PCMTD1: variants seen among roughly 807,000 people sequenced by gnomAD.
The protein encoded by PCMTD1 is protein-L-isoaspartate (D-aspartate) O-methyltransferase domain containing 1, also known as protein-L-isoaspartate O-methyltransferase domain-containing protein 1.
In PCMTD1, 12 loss-of-function variants were observed where a neutral mutation model predicts 37.6. The observed-to-expected ratio is 0.32, with a 90% confidence interval of 0.20 to 0.52. The LOEUF is 0.52. Among genes scored for constraint, PCMTD1 ranks in the 20% least tolerant of loss-of-function variants. PCMTD1 has a pLI of 0.97. For synonymous variants in PCMTD1, 117 were observed against 135.8 expected (o/e 0.86, Z 0.96); for missense variants, 235 against 421.3 (o/e 0.56, Z 3.87).
rs1238524467 is a variant in PCMTD1, at chr8:51,898,947, G to C, written c.-113C>G. 2 of 1,417,842 alleles carry C rather than the reference G, an allele frequency of 1.4e-6. No homozygotes were observed. Among genetic ancestry groups the C allele is most frequent in the East Asian group, 3.0e-5 (1 of 33,066 alleles). The allele number at this position is 1,417,842 out of a possible 1,614,324, so 87.8% of individuals were successfully genotyped here. A position where few individuals can be genotyped will look rare whatever the true frequency, so the allele number is the denominator to read the frequency against. ...GGCGTTACCTGTGGCGCGGGCAGCG[G>C]CGCGCAGGCCAGGCGCTAGGACTCG... On this transcript the variant is annotated 5_prime_UTR_variant, in exon 1 of 6. Coordinates refer to ENST00000522514, the MANE Select transcript of PCMTD1 (RefSeq NM_052937.4).
chr8:51,821,436 C>T (rs567782967), intron 5 of PCMTD1, among the ~76,000 whole-genome samples: 2 of 152,274 alleles, frequency 1.3e-5, no homozygotes, highest in East Asian at 1.9e-4. Flanking sequence ...CCATCATGCC[C>T]GGCCCTCTAC....
chr8:51,839,699 G>A, intron 3 of PCMTD1: 3 of 819,932 alleles, frequency 3.7e-6, no homozygotes, highest in Non-Finnish European at 4.4e-6. Context: ...CTGACAATTT[G>A]CACACCTAGT....
chr8:51,839,498 A>C, intron 3 of PCMTD1: 4 of 985,360 alleles, frequency 4.1e-6, no homozygotes, highest in Non-Finnish European at 4.8e-6. Flanking sequence ...TCATCTTGAG[A>C]TGGACAGATG....
intron 1 of PCMTD1, among the ~76,000 whole-genome samples, chr8:51,868,265 G>A (rs992602325): frequency 1.3e-5 from 2 of 152,090 alleles, no homozygotes; most frequent in African/African-American, 4.8e-5. Context: ...TAACCACACT[G>A]AGTGAGAGAG....
intron 2 of PCMTD1, chr8:51,850,004 AAAGTACTTCACAATACATAAAG>A: frequency 2.9e-6 from 2 of 696,952 alleles, no homozygotes; most frequent in South Asian, 3.0e-5. Context: ...CCACAGGCAA[AAAGTACTTCACAATACATAAAG>A]TTCTGAAGAT....
At chr8:51,865,664 A>T (rs1448746650) in intron 1 of PCMTD1, among the ~76,000 whole-genome samples, 1 of 152,098 alleles carries the variant, frequency 6.6e-6, no homozygotes, top group Non-Finnish European at 1.5e-5. Flanking sequence ...TTAGACACAG[A>T]GGGAAGATAC....
chr8:51,851,042 T>C (rs996593254), intron 2 of PCMTD1, among the ~76,000 whole-genome samples: 1 of 152,250 alleles, frequency 6.6e-6, no homozygotes, highest in Admixed American at 6.5e-5. Context: ...GAGAAGCTGT[T>C]CTAATATATT....
intron 1 of PCMTD1, among the ~76,000 whole-genome samples, chr8:51,881,731 A>T (rs1201826196): frequency 6.6e-6 from 1 of 152,164 alleles, no homozygotes; most frequent in Non-Finnish European, 1.5e-5. Flanking sequence ...CAAAGAAAAA[A>T]ATTTAGAGCT....
At chr8:51,827,028 C>A in intron 5 of PCMTD1, 1 of 968,586 alleles carries the variant, frequency 1.0e-6, no homozygotes, top group South Asian at 4.8e-5. Context: ...TTTGGAGTCG[C>A]GTTCTTTCAT....
chr8:51,892,183 T>C (rs2038945447), intron 1 of PCMTD1, among the ~76,000 whole-genome samples: 1 of 152,176 alleles, frequency 6.6e-6, no homozygotes, highest in Admixed American at 6.6e-5. Flanking sequence ...AGCCACAACA[T>C]TTCCTTCTAG....
intron 1 of PCMTD1, among the ~76,000 whole-genome samples, chr8:51,877,301 C>A (rs941080743): frequency 5.3e-5 from 8 of 152,054 alleles, no homozygotes; most frequent in Non-Finnish European, 1.2e-4. Context: ...TTATATCTGT[C>A]CTGATTGGAT....
At chr8:51,879,070 G>A (rs763180576) in intron 1 of PCMTD1, among the ~76,000 whole-genome samples, 1 of 152,104 alleles carries the variant, frequency 6.6e-6, no homozygotes. Flanking sequence ...AGGCTGCAGT[G>A]GGCCGTAGTC....
intron 1 of PCMTD1, among the ~76,000 whole-genome samples, chr8:51,876,862 T>C (rs1338395007): frequency 6.6e-6 from 1 of 152,130 alleles, no homozygotes; most frequent in Admixed American, 6.5e-5. Context: ...CTAATAAATG[T>C]AGAAGAAATA....
At chr8:51,889,786 G>C (rs972566679) in intron 1 of PCMTD1, among the ~76,000 whole-genome samples, 1 of 151,952 alleles carries the variant, frequency 6.6e-6, no homozygotes. Flanking sequence ...AGCAGTAAAG[G>C]GAATGTCATT....
intron 1 of PCMTD1, among the ~76,000 whole-genome samples, chr8:51,875,000 T>C (rs1444902461): frequency 2.0e-5 from 3 of 152,226 alleles, no homozygotes; most frequent in African/African-American, 2.4e-5. Context: ...CACAAGTTAG[T>C]TGCAAGTTAT....
chr8:51,880,705 T>G (rs2038778925), intron 1 of PCMTD1, among the ~76,000 whole-genome samples: 1 of 152,222 alleles, frequency 6.6e-6, no homozygotes, highest in Non-Finnish European at 1.5e-5. Context: ...GCTTGTTGTC[T>G]GCCACTACAG....
intron 1 of PCMTD1, among the ~76,000 whole-genome samples, chr8:51,874,798 T>C (rs2038689234): frequency 6.6e-6 from 1 of 152,222 alleles, no homozygotes; most frequent in Admixed American, 6.5e-5. Context: ...CATGTGATGT[T>C]TTCCCCATTC....
chr8:51,880,477 T>C (rs73681406), intron 1 of PCMTD1, among the ~76,000 whole-genome samples: 102 of 152,316 alleles, frequency 6.7e-4, no homozygotes, highest in African/African-American at 2.3e-3. Context: ...CCTTAGGAAA[T>C]ATCAACTCTT....
At chr8:51,840,762 C>A (rs2038136618) in intron 3 of PCMTD1, among the ~76,000 whole-genome samples, 1 of 152,018 alleles carries the variant, frequency 6.6e-6, no homozygotes, top group South Asian at 2.1e-4. Context: ...ATACAAAAGT[C>A]TAACTCTACA....
Sources: gnomAD v4.1 joint callset for allele counts (sites outside exome capture counted in the v4.1 genomes callset) on GRCh38, gnomAD v4.1.1 for gene constraint, MANE v1.5 for transcripts, NCBI Gene and HGNC (gene_info 2026-07-23, HGNC 2026-07-21) for gene names.